Variants in PPM1H observed in about 807,000 individuals in gnomAD.
PPM1H encodes protein phosphatase 1H.
A neutral mutation model predicts 54.9 loss-of-function variants in PPM1H; 27 were observed. The observed-to-expected ratio is 0.49, with a 90% CI of 0.36 to 0.68. PPM1H has a LOEUF of 0.68. Among genes scored for constraint, PPM1H ranks in the 30% least tolerant of loss-of-function variants. The probability of loss-of-function intolerance (pLI) is 0.00; values close to 1 mark genes in which losing one functional copy is unlikely to be tolerated. For missense variants in PPM1H, 596 were observed against 667.8 expected (o/e 0.89, Z 1.19); for synonymous variants, 305 against 270.8 (o/e 1.13, Z -1.24).
At chr12:62,812,690 G>A (rs1188217575) in intron 2 of PPM1H, among the ~76,000 whole-genome samples, 1 of 151,628 alleles carries the variant, frequency 6.6e-6, no homozygotes, top group Admixed American at 6.6e-5. Flanking sequence ...TTTCTCTACA[G>A]TAGGCTCACT....
intron 9 of PPM1H, among the ~76,000 whole-genome samples, chr12:62,665,393 AGGC>A (rs1329464048): frequency 6.6e-6 from 1 of 152,108 alleles, no homozygotes; most frequent in African/African-American, 2.4e-5. Flanking sequence ...GAGATTTGTC[AGGC>A]TTTCTGAATC....
At chr12:62,734,869 C>G (rs561365892) in intron 5 of PPM1H, among the ~76,000 whole-genome samples, 1 of 151,898 alleles carries the variant, frequency 6.6e-6, no homozygotes, top group Non-Finnish European at 1.5e-5. Flanking sequence ...ACAGTGAGAC[C>G]CCCCCATCTC....
chr12:62,884,414 T>A (rs376308300), intron 1 of PPM1H, among the ~76,000 whole-genome samples: 1 of 142,026 alleles, frequency 7.0e-6, no homozygotes, highest in East Asian at 2.1e-4. Flanking sequence ...GGTAGGAGAA[T>A]CACTTGAACC....
chr12:62,782,592 GA>G (rs1307421979), intron 4 of PPM1H, among the ~76,000 whole-genome samples: 3 of 152,086 alleles, frequency 2.0e-5, no homozygotes, highest in African/African-American at 7.2e-5. Context: ...GCTAATGAAT[GA>G]CACATTCGAC....
intron 1 of PPM1H, among the ~76,000 whole-genome samples, chr12:62,899,738 G>A (rs1871101582): frequency 6.6e-6 from 1 of 152,130 alleles, no homozygotes; most frequent in African/African-American, 2.4e-5. Flanking sequence ...TCCTCACTAG[G>A]GTTTCATGCC....
intron 5 of PPM1H, among the ~76,000 whole-genome samples, chr12:62,735,331 C>T (rs1393604800): frequency 6.6e-6 from 1 of 152,058 alleles, no homozygotes; most frequent in Admixed American, 6.6e-5. Context: ...CCCACTTCGG[C>T]CTCCTGAGTA....
chr12:62,662,581 C>A (rs1367085721), intron 9 of PPM1H, among the ~76,000 whole-genome samples: 1 of 152,154 alleles, frequency 6.6e-6, no homozygotes, highest in Non-Finnish European at 1.5e-5. Context: ...CTGTTGGAAT[C>A]TCCATTTTAC....
chr12:62,678,999 G>GT (rs2076003497), intron 8 of PPM1H, among the ~76,000 whole-genome samples: 1 of 151,642 alleles, frequency 6.6e-6, no homozygotes, highest in Non-Finnish European at 1.5e-5. Context: ...TATACTCTTT[G>GT]TTTTTTGAGA....
intron 6 of PPM1H, among the ~76,000 whole-genome samples, chr12:62,710,975 A>G (rs1306659728): frequency 1.3e-5 from 2 of 152,118 alleles, no homozygotes; most frequent in African/African-American, 4.8e-5. Flanking sequence ...AACCCATAAT[A>G]TCCCAACTAT....
At chr12:62,658,056 CAAAA>C (rs34769800) in intron 9 of PPM1H, among the ~76,000 whole-genome samples, 33 of 107,296 alleles carry the variant, frequency 3.1e-4, no homozygotes, top group South Asian at 1.4e-3. Context: ...ATCCAGGTTA[CAAAA>C]AAAAAAAAAA....
At chr12:62,661,033 A>C (rs2075879805) in intron 9 of PPM1H, among the ~76,000 whole-genome samples, 2 of 151,786 alleles carry the variant, frequency 1.3e-5, no homozygotes. Flanking sequence ...ATCTCATGAG[A>C]TCATGGGCCC....
chr12:62,780,127 C>A (rs1286863854), intron 4 of PPM1H, among the ~76,000 whole-genome samples: 1 of 152,174 alleles, frequency 6.6e-6, no homozygotes, highest in Non-Finnish European at 1.5e-5. Context: ...ACAAAGTAAG[C>A]CAGCCAGTCA....
chr12:62,838,749 G>C (rs946390917), intron 1 of PPM1H, among the ~76,000 whole-genome samples: 1 of 134,158 alleles, frequency 7.5e-6, no homozygotes. Context: ...GTGAAACCCC[G>C]TCTCTACTAA....
intron 1 of PPM1H, among the ~76,000 whole-genome samples, chr12:62,875,531 G>T (rs1870130058): frequency 6.6e-6 from 1 of 152,136 alleles, no homozygotes; most frequent in South Asian, 2.1e-4. Context: ...ACAAAATTAG[G>T]CTTTAGGAAT....
intron 5 of PPM1H, among the ~76,000 whole-genome samples, chr12:62,734,129 T>C (rs1275447995): frequency 2.2e-5 from 3 of 139,126 alleles, no homozygotes; most frequent in Admixed American, 6.9e-5. Context: ...TTCTGCCACA[T>C]GAATTTTTTT....
rs147607771 is a variant in PPM1H, at chr12:62,824,922, G to A, written c.411+7192C>T. On this transcript the variant is annotated intron_variant, in intron 2 of 9. Coordinates refer to ENST00000228705, the MANE Select transcript of PPM1H (RefSeq NM_020700.2). The stretch of plus-strand genomic sequence containing the variant: ...AAATGGAATCTAATCAAACTGAAGA[G>A]CTTTTGCACAGCAAAAGAAACTACC... 2.0e-3 allele frequency among the ~76,000 whole-genome samples: 311 copies of A among 152,256 alleles called. 1 individual carries two copies. Among genetic ancestry groups the A allele is most frequent in the African/African-American group, 7.1e-3 (296 of 41,552 alleles).
At chr12:62,840,869 A>T (rs1437287206) in intron 1 of PPM1H, among the ~76,000 whole-genome samples, 1 of 152,190 alleles carries the variant, frequency 6.6e-6, no homozygotes, top group Non-Finnish European at 1.5e-5. Flanking sequence ...GGCTTAGTAG[A>T]AAATGGGTTC....
At chr12:62,880,416 A>T (rs1384574971) in intron 1 of PPM1H, among the ~76,000 whole-genome samples, 1 of 152,184 alleles carries the variant, frequency 6.6e-6, no homozygotes, top group Non-Finnish European at 1.5e-5. Flanking sequence ...GAGCCCCAAG[A>T]CTAGATCGGG....
At chr12:62,663,755 G>A (rs2075899730) in intron 9 of PPM1H, among the ~76,000 whole-genome samples, 1 of 152,162 alleles carries the variant, frequency 6.6e-6, no homozygotes, top group African/African-American at 2.4e-5. Context: ...ACTTTGGGAG[G>A]CCGAGGTGGG....
Sources: gnomAD v4.1 joint callset for allele counts (sites outside exome capture counted in the v4.1 genomes callset) on GRCh38, gnomAD v4.1.1 for gene constraint, MANE v1.5 for transcripts, NCBI Gene and HGNC (gene_info 2026-07-23, HGNC 2026-07-21) for gene names.